NUDT6: variants seen among roughly 807,000 people sequenced by gnomAD.
NUDT6 encodes the protein FAD diphosphatase NUDT6.
Under a neutral mutation model 36.8 loss-of-function variants are expected in NUDT6, and 24 were observed. That is an observed-to-expected ratio of 0.65 (90% CI 0.47 to 0.92). The LOEUF (loss-of-function observed/expected upper bound fraction) is 0.92, where lower values mean the gene tolerates loss of function less well. NUDT6 is among the 40% of genes least tolerant of loss of function. NUDT6 has a pLI of 0.00. For synonymous variants in NUDT6, 163 were observed against 157.0 expected (o/e 1.04, Z -0.29); for missense variants, 388 against 392.8 (o/e 0.99, Z 0.10).
At chr4:122,899,891 T>C (rs936918514) in intron 3 of NUDT6, among the ~76,000 whole-genome samples, 5 of 152,028 alleles carry the variant, frequency 3.3e-5, no homozygotes, top group African/African-American at 9.7e-5. Context: ...AGATCACAGA[T>C]ATCCAATGAA....
At chr4:122,899,692 C>T (rs1381892788) in intron 3 of NUDT6, among the ~76,000 whole-genome samples, 1 of 152,152 alleles carries the variant, frequency 6.6e-6, no homozygotes, top group Non-Finnish European at 1.5e-5. Context: ...CACAGTGCCT[C>T]ACATCTGTAA....
chr4:122,917,974 G>A (rs190868381), intron 1 of NUDT6: 128 of 407,584 alleles, frequency 3.1e-4, no homozygotes, highest in African/African-American at 2.4e-3. Context: ...TGCTTGGCAC[G>A]TAACAGATGT....
intron 3 of NUDT6, among the ~76,000 whole-genome samples, chr4:122,901,052 T>C (rs55926800): frequency 0.022 from 3,299 of 152,302 alleles, 62 homozygotes; most frequent in Non-Finnish European, 0.036. Context: ...TAAAATTCCA[T>C]GATCCTTTTT....
intron 3 of NUDT6, among the ~76,000 whole-genome samples, chr4:122,902,486 T>C (rs547878933): frequency 1.6e-4 from 24 of 152,292 alleles, no homozygotes; most frequent in Admixed American, 6.5e-4. Context: ...TAGTGCTTAG[T>C]GCACCATGTA....
intron 3 of NUDT6, among the ~76,000 whole-genome samples, chr4:122,904,059 C>A (rs1259610204): frequency 1.3e-5 from 2 of 152,150 alleles, no homozygotes; most frequent in Non-Finnish European, 2.9e-5. Flanking sequence ...CAGAAAGAAG[C>A]ATTTGTGAGC....
intron 3 of NUDT6, among the ~76,000 whole-genome samples, chr4:122,912,132 T>A (rs570282551): frequency 5.9e-5 from 9 of 152,282 alleles, no homozygotes; most frequent in African/African-American, 2.2e-4. Context: ...TCAGGCAAAG[T>A]TAATTGCTGT....
intron 1 of NUDT6, 189 bp downstream of exon 1, chr4:122,922,146 G>T: frequency 2.3e-6 from 1 of 442,656 alleles, no homozygotes; most frequent in Non-Finnish European, 3.9e-6. Flanking sequence ...TCACCCAACC[G>T]CCTTAGAGAC....
rs111619148 is a variant in NUDT6, at chr4:122,897,885, C to A, written c.499-207G>T. 1.3e-3 allele frequency: 696 copies of A among 552,244 alleles called. 4 individuals are homozygous for A. Among genetic ancestry groups the A allele is most frequent in the African/African-American group, 0.01 (552 of 52,622 alleles). The allele number at this position is 552,244 out of a possible 1,614,324, so 34.2% of individuals were successfully genotyped here. A position where few individuals can be genotyped will look rare whatever the true frequency, so the allele number is the denominator to read the frequency against. The stretch of plus-strand genomic sequence containing the variant: ...GGTAACTGATGAAATCTTTTCCCAC[C>A]TTTTCTCTTCAGGAAATATAAGTGG... On this transcript the variant is annotated intron_variant, in intron 3 of 4. Coordinates refer to ENST00000304430, the MANE Select transcript of NUDT6 (RefSeq NM_007083.5).
rs907765347 is a variant in NUDT6, at chr4:122,898,069, A to G, written c.499-391T>C. 3.0e-5 allele frequency: 5 copies of G among 166,756 alleles called. 1 individual carries two copies. The highest frequency in any genetic ancestry group is 4.8e-5 in the African/African-American group (2 of 41,720). The allele number at this position is 166,756 out of a possible 1,614,324, so 10.3% of individuals were successfully genotyped here. On this transcript the variant is annotated intron_variant, in intron 3 of 4. Coordinates refer to ENST00000304430, the MANE Select transcript of NUDT6 (RefSeq NM_007083.5). The stretch of plus-strand genomic sequence containing the variant: ...TAAATAAGTAGAAAATATAAATTTC[A>G]TCACTAAAATATGCTATTTTAAAAT...
intron 3 of NUDT6, among the ~76,000 whole-genome samples, chr4:122,902,470 T>C (rs76403961): frequency 0.048 from 7,261 of 152,302 alleles, 333 homozygotes; most frequent in South Asian, 0.15. Context: ...TTCACTGATG[T>C]ATACCTAGTG....
chr4:122,898,489 C>T (rs1229566713), intron 3 of NUDT6, among the ~76,000 whole-genome samples: 1 of 152,188 alleles, frequency 6.6e-6, no homozygotes, highest in African/African-American at 2.4e-5. Context: ...GTACCTTTGG[C>T]TAGTACCCTA....
intron 3 of NUDT6, among the ~76,000 whole-genome samples, chr4:122,909,614 C>G (rs1727693352): frequency 7.0e-6 from 1 of 143,772 alleles, no homozygotes; most frequent in African/African-American, 3.0e-5. Context: ...CAGAACAGAG[C>G]CTTCTGTGCA....
At position 122,910,030 on chromosome 4, in the gene NUDT6, G is replaced by C. The variant is rs78129584; in HGVS notation, c.498+2538C>G. On this transcript the variant is annotated intron_variant, in intron 3 of 4. Coordinates refer to ENST00000304430, the MANE Select transcript of NUDT6 (RefSeq NM_007083.5). ...TTTCAGAAAACACTTTCACTTATTT[G>C]AAACTAAGATGAATAAAACTAGAGA... Among the ~76,000 whole-genome samples the C allele has an allele frequency of 3.3e-3, 500 of 152,240 alleles. 2 individuals are homozygous for C. Among genetic ancestry groups the C allele is most frequent in the Middle Eastern group, 0.014 (4 of 294 alleles).
chr4:122,907,825 C>T (rs116427068), intron 3 of NUDT6, among the ~76,000 whole-genome samples: 3,294 of 152,248 alleles, frequency 0.022, 60 homozygotes, highest in Non-Finnish European at 0.036. Flanking sequence ...TCCAAGAATC[C>T]TATCTTGGGG....
At chr4:122,921,092 A>G (rs535677984) in intron 1 of NUDT6, 1 of 152,320 alleles carries the variant, frequency 6.6e-6, no homozygotes, top group African/African-American at 2.4e-5. Flanking sequence ...TCCTCCATCC[A>G]AGCTTTCTTA....
chr4:122,919,132 A>G (rs1432102447), intron 1 of NUDT6: 2 of 152,242 alleles, frequency 1.3e-5, no homozygotes, highest in Non-Finnish European at 2.9e-5. Context: ...ACTGAACACT[A>G]AACTTTCTGT....
At chr4:122,898,611 G>A (rs1727437485) in intron 3 of NUDT6, among the ~76,000 whole-genome samples, 1 of 152,156 alleles carries the variant, frequency 6.6e-6, no homozygotes, top group Admixed American at 6.5e-5. Context: ...AACTATGCTA[G>A]GTTGGAGACC....
chr4:122,908,637 T>C (rs1238777776), intron 3 of NUDT6, among the ~76,000 whole-genome samples: 3 of 152,208 alleles, frequency 2.0e-5, no homozygotes, highest in African/African-American at 7.2e-5. Context: ...TTGCAGGACC[T>C]CTTGAGATGC....
Position 122,917,566 on chromosome 4 carries a change from G to C in NUDT6, c.377C>G (p.Thr126Ser). 6.2e-7 allele frequency: 1 copy of C among 1,614,202 alleles called. No individual in the cohort carries two copies. The highest frequency in any genetic ancestry group is 2.2e-5 in the East Asian group (1 of 44,880). Residue 126 changes from threonine to serine, a missense_variant, in exon 2 of 5, where the codon ACT becomes AGT. Thr to Ser is a moderately conservative substitution (Grantham distance 58). Transcript: ENST00000304430. ...GCTGGGCCCTTCTCTCAGCCACAGA[G>C]TCAACGTTGATGAATCCGATTCTGC... ...HHAESDSSTL[T>S]LWLREGPSRL...
Sources: allele counts gnomAD v4.1 joint callset (sites outside exome capture counted in the v4.1 genomes callset), GRCh38; gene constraint gnomAD v4.1.1; transcripts MANE v1.5; gene names NCBI Gene and HGNC (gene_info 2026-07-23, HGNC 2026-07-21).